The following COL13A1 variants were observed in gnomAD, a reference collection of about 807,000 sequenced individuals.
The protein encoded by COL13A1 is collagen alpha-1(XIII) chain.
Under a neutral mutation model 130.9 loss-of-function variants are expected in COL13A1, and 89 were observed. The ratio of observed to expected loss-of-function variants is 0.68; its 90% confidence interval spans 0.57 to 0.81. The LOEUF is 0.81. COL13A1 is among the 30% of genes least tolerant of loss of function. COL13A1 has a pLI of 0.00. For synonymous variants in COL13A1, 402 were observed against 341.6 expected (o/e 1.18, Z -1.95); for missense variants, 879 against 934.6 (o/e 0.94, Z 0.78).
intron 3 of COL13A1, among the ~76,000 whole-genome samples, chr10:69,869,510 T>C (rs2058849334): frequency 6.6e-6 from 1 of 152,178 alleles, no homozygotes; most frequent in Non-Finnish European, 1.5e-5. Context: ...GGGGGCTGGC[T>C]CTGTCCTCCA....
At chr10:69,890,356 A>T (rs1006439777) in intron 10 of COL13A1, among the ~76,000 whole-genome samples, 2 of 152,184 alleles carry the variant, frequency 1.3e-5, no homozygotes, top group Non-Finnish European at 2.9e-5. Flanking sequence ...AAAAAAACAA[A>T]CAAACAGACA....
At chr10:69,885,253 TAGAA>T (rs1467935835) in intron 7 of COL13A1, among the ~76,000 whole-genome samples, 2 of 152,146 alleles carry the variant, frequency 1.3e-5, no homozygotes, top group Non-Finnish European at 2.9e-5. Context: ...AATGCCAAAT[TAGAA>T]AGAATAATCA....
At chr10:69,916,384 G>T (rs1047318650) in intron 17 of COL13A1, among the ~76,000 whole-genome samples, 1 of 152,206 alleles carries the variant, frequency 6.6e-6, no homozygotes, top group Admixed American at 6.5e-5. Flanking sequence ...CCGGGCCCCA[G>T]CTGGGGCTTC....
chr10:69,878,684 G>A (rs182341920), intron 6 of COL13A1, among the ~76,000 whole-genome samples: 14 of 152,314 alleles, frequency 9.2e-5, no homozygotes, highest in Admixed American at 2.6e-4. Flanking sequence ...GTTTTACCAT[G>A]TTGGCCAGGC....
intron 14 of COL13A1, among the ~76,000 whole-genome samples, chr10:69,899,267 T>A (rs1388372842): frequency 6.6e-6 from 1 of 152,244 alleles, no homozygotes; most frequent in Admixed American, 6.5e-5. Context: ...TAACAGTGTC[T>A]ATTTCACAGG....
chr10:69,823,018 T>C (rs1846512324), intron 2 of COL13A1, among the ~76,000 whole-genome samples: 1 of 152,248 alleles, frequency 6.6e-6, no homozygotes, highest in South Asian at 2.1e-4. Context: ...TACAGTGAAC[T>C]GGTCTAATCT....
chr10:69,884,279 C>T (rs915794053), intron 7 of COL13A1, among the ~76,000 whole-genome samples: 5 of 152,144 alleles, frequency 3.3e-5, no homozygotes, highest in African/African-American at 4.8e-5. Context: ...AGCTTGAAAT[C>T]GGCTATGGTG....
Position 69,802,671 on chromosome 10 carries a change from A to G in COL13A1, c.248A>G (p.Gln83Arg). ...LRLEAERGEQ[Q>R]METAILGRVN... ...CTGGAAGCGGAGCGCGGGGAGCAGCAAATGGAGACGGCTATTTTGGGACGA... is the reference window on the plus strand; with the variant it reads ...CTGGAAGCGGAGCGCGGGGAGCAGCGAATGGAGACGGCTATTTTGGGACGA... The change falls in exon 1 of 41, where the codon CAA becomes CGA. Residue 83 changes from glutamine to arginine, a missense_variant. Physicochemically the swap from Gln to Arg is conservative, Grantham distance 43 (BLOSUM62 1). Around this residue, in one of 3 missense-constraint regions of COL13A1, gnomAD observed 715 missense variants for 721.0 expected, o/e 0.99. Coordinates refer to ENST00000645393, the MANE Select transcript of COL13A1 (RefSeq NM_001368882.1). 1 of 1,613,498 alleles carries G rather than the reference A, an allele frequency of 6.2e-7. No individual in the cohort carries two copies. The highest frequency in any genetic ancestry group is 8.5e-7 in the Non-Finnish European group (1 of 1,179,586).
intron 29 of COL13A1, 107 bp from the exon 30 acceptor site, chr10:69,930,293 C>A: frequency 8.4e-7 from 1 of 1,186,574 alleles, no homozygotes; most frequent in Non-Finnish European, 1.2e-6. Flanking sequence ...CTGCCTGCCC[C>A]AGACAAGCAC....
chr10:69,854,268 A>G (rs1034070043), intron 2 of COL13A1, among the ~76,000 whole-genome samples: 1 of 152,140 alleles, frequency 6.6e-6, no homozygotes, highest in African/African-American at 2.4e-5. Context: ...CTTTCTATTC[A>G]AAAGACAGTG....
chr10:69,957,124 A>C, intron 40 of COL13A1, 82 bp downstream of exon 40: 1 of 1,262,392 alleles, frequency 7.9e-7, no homozygotes, highest in Non-Finnish European at 1.2e-6. Flanking sequence ...CTGCCTTGCT[A>C]CAGATGAGGC....
chr10:69,821,356 T>A (rs1009938532), intron 1 of COL13A1, among the ~76,000 whole-genome samples: 1 of 152,220 alleles, frequency 6.6e-6, no homozygotes, highest in African/African-American at 2.4e-5. Context: ...CAGTGTGGGT[T>A]TGAATCCCAG....
rs2131972992 is a variant in COL13A1 at position 69,802,322 on chromosome 10, G to A, written c.-102G>A. 7.9e-7 allele frequency: 1 copy of A among 1,259,122 alleles called. No homozygotes were observed. The highest frequency in any genetic ancestry group is 2.0e-5 in the South Asian group (1 of 50,878). The allele number at this position is 1,259,122 out of a possible 1,614,324, so 78.0% of individuals were successfully genotyped here. ...AAAGGGACGTTTTCCAGCGATACAAGCCCTTTCCCCCTGCCCCGCAGTTTG... is the reference window on the plus strand; with the variant it reads ...AAAGGGACGTTTTCCAGCGATACAAACCCTTTCCCCCTGCCCCGCAGTTTG... On this transcript the variant is annotated 5_prime_UTR_variant, in exon 1 of 41. Transcript: ENST00000645393.
intron 22 of COL13A1, 41 bp downstream of exon 22, chr10:69,921,976 C>A: frequency 6.4e-7 from 1 of 1,570,772 alleles, no homozygotes; most frequent in South Asian, 1.2e-5. Flanking sequence ...TCCTTCGTCA[C>A]CCACATCCCA....
intron 2 of COL13A1, among the ~76,000 whole-genome samples, chr10:69,837,490 C>G (rs914193772): frequency 6.6e-6 from 1 of 152,238 alleles, no homozygotes; most frequent in African/African-American, 2.4e-5. Flanking sequence ...ACAGGTGACA[C>G]CCCTGCTGTT....
At chr10:69,909,135 TGATCCCTGGCCTTGAGA>T (rs2063094602) in intron 17 of COL13A1, among the ~76,000 whole-genome samples, 1 of 152,192 alleles carries the variant, frequency 6.6e-6, no homozygotes, top group South Asian at 2.1e-4. Context: ...CTCTGAGCCT[TGATCCCTGGCCTTGAGA>T]GGAGGCTCTG....
chr10:69,804,233 C>T (rs1564704214), intron 1 of COL13A1, among the ~76,000 whole-genome samples: 1 of 151,802 alleles, frequency 6.6e-6, no homozygotes, highest in Non-Finnish European at 1.5e-5. Flanking sequence ...CCAGGTATCT[C>T]GGGGGTCCTG....
chr10:69,829,703 C>T (rs1848359833), intron 2 of COL13A1, among the ~76,000 whole-genome samples: 1 of 152,242 alleles, frequency 6.6e-6, no homozygotes, highest in Non-Finnish European at 1.5e-5. Flanking sequence ...AGCCATAGCT[C>T]TCTATGCCCC....
intron 32 of COL13A1, among the ~76,000 whole-genome samples, chr10:69,935,872 G>T (rs572821917): frequency 6.6e-6 from 1 of 151,444 alleles, no homozygotes; most frequent in Non-Finnish European, 1.5e-5. Context: ...TTAGCTGGGC[G>T]TGGTGGCACA....
Sources: allele counts gnomAD v4.1 joint callset (sites outside exome capture counted in the v4.1 genomes callset), GRCh38; gene constraint gnomAD v4.1.1; regional missense constraint gnomAD v4.1.1; transcripts MANE v1.5; gene names NCBI Gene and HGNC (gene_info 2026-07-23, HGNC 2026-07-21).